NXPH1: variants seen among roughly 807,000 people sequenced by gnomAD.
NXPH1 encodes neurexophilin-1.
Under a neutral mutation model 23.7 loss-of-function variants are expected in NXPH1, and 5 were observed. The ratio of observed to expected loss-of-function variants is 0.21; its 90% CI spans 0.11 to 0.44. The LOEUF (loss-of-function observed/expected upper bound fraction) is 0.44. Among genes scored for constraint, NXPH1 ranks in the 20% least tolerant of loss-of-function variants. NXPH1 has a pLI of 0.99. For missense variants in NXPH1, 324 were observed against 321.6 expected, an observed-to-expected ratio of 1.01 and a Z score of -0.06; for synonymous variants, 144 against 122.2, an observed-to-expected ratio of 1.18 and a Z score of -1.18.
At chr7:8,558,658 A>G (rs1818397755) in intron 2 of NXPH1, among the ~76,000 whole-genome samples, 1 of 151,648 alleles carries the variant, frequency 6.6e-6, no homozygotes. Context: ...GTCACCTATG[A>G]GCCCAACCTT....
chr7:8,482,598 G>A (rs1817092952), intron 2 of NXPH1, among the ~76,000 whole-genome samples: 1 of 152,156 alleles, frequency 6.6e-6, no homozygotes, highest in Non-Finnish European at 1.5e-5. Flanking sequence ...TAAATCAGGG[G>A]TGGAGAAGAC....
At chr7:8,610,543 CA>C (rs1819595841) in intron 2 of NXPH1, among the ~76,000 whole-genome samples, 1 of 151,884 alleles carries the variant, frequency 6.6e-6, no homozygotes, top group Non-Finnish European at 1.5e-5. Flanking sequence ...ATAGGATACA[CA>C]AAAAGTACCA....
intron 2 of NXPH1, among the ~76,000 whole-genome samples, chr7:8,561,383 C>CACACACA (rs1554256950): frequency 5.2e-4 from 77 of 147,220 alleles, no homozygotes; most frequent in African/African-American, 1.4e-3. Context: ...CACACACACA[C>CACACACA]CTCTCTCTCT....
chr7:8,475,537 A>G (rs533789178), intron 2 of NXPH1, among the ~76,000 whole-genome samples: 163 of 152,262 alleles, frequency 1.1e-3, no homozygotes, highest in African/African-American at 3.8e-3. Context: ...CAGAAAAGTG[A>G]TCCTCTGTGA....
At chr7:8,688,428 C>T (rs926765418) in intron 2 of NXPH1, among the ~76,000 whole-genome samples, 1 of 151,986 alleles carries the variant, frequency 6.6e-6, no homozygotes, top group Non-Finnish European at 1.5e-5. Flanking sequence ...TTTTCTGTTA[C>T]TGTAATATAT....
chr7:8,732,297 G>A lies in NXPH1; in HGVS notation c.55-18711G>A, dbSNP rs937572041. On this transcript the variant is annotated intron_variant, in intron 2 of 2. Transcript: ENST00000405863. Reference sequence around the variant, plus strand: ...TCAGATGGAAATGCAGAAATCACCTGTCTTCTGTGTCGCTCACAGTGGGAG... The same window carrying A: ...TCAGATGGAAATGCAGAAATCACCTATCTTCTGTGTCGCTCACAGTGGGAG... Among the ~76,000 whole-genome samples the A allele has an allele frequency of 4.9e-4, 74 of 152,330 alleles. 1 individual carries two copies. The highest frequency in any genetic ancestry group is 3.4e-3 in the Middle Eastern group (1 of 294).
intron 2 of NXPH1, among the ~76,000 whole-genome samples, chr7:8,682,046 G>A (rs1821061620): frequency 6.6e-6 from 1 of 152,180 alleles, no homozygotes; most frequent in African/African-American, 2.4e-5. Flanking sequence ...GGGTGAGCAT[G>A]CCAGTGGAAG....
At chr7:8,447,991 C>G (rs2066916) in intron 2 of NXPH1, among the ~76,000 whole-genome samples, 73,629 of 152,028 alleles carry the variant, frequency 0.48, 18,212 homozygotes, top group East Asian at 0.75. Context: ...CTGGCCATAA[C>G]AGAGAGCAAA....
chr7:8,540,755 G>T (rs78083811), intron 2 of NXPH1, among the ~76,000 whole-genome samples: 2 of 151,802 alleles, frequency 1.3e-5, no homozygotes, highest in Non-Finnish European at 3.0e-5. Flanking sequence ...GGTAACAGTG[G>T]CTAACACTCA....
chr7:8,501,708 A>G (rs1289509345), intron 2 of NXPH1, among the ~76,000 whole-genome samples: 2 of 152,058 alleles, frequency 1.3e-5, no homozygotes, highest in East Asian at 1.9e-4. Flanking sequence ...AAGTACACCA[A>G]TTATCTGATA....
chr7:8,494,871 A>G (rs1410236736), intron 2 of NXPH1, among the ~76,000 whole-genome samples: 4 of 152,052 alleles, frequency 2.6e-5, no homozygotes, highest in Admixed American at 6.6e-5. Context: ...CATGATCCTA[A>G]GAGTCAGAGA....
chr7:8,446,505 T>C (rs941735480), intron 2 of NXPH1, among the ~76,000 whole-genome samples: 1 of 152,222 alleles, frequency 6.6e-6, no homozygotes, highest in Non-Finnish European at 1.5e-5. Context: ...TTGTTGATAT[T>C]CTGTATGCAT....
chr7:8,711,167 T>G (rs1779788561), intron 2 of NXPH1, among the ~76,000 whole-genome samples: 1 of 152,154 alleles, frequency 6.6e-6, no homozygotes, highest in Non-Finnish European at 1.5e-5. Context: ...ACGAGTGGCC[T>G]AGATTCTCAA....
intron 2 of NXPH1, among the ~76,000 whole-genome samples, chr7:8,465,791 T>C (rs1480024029): frequency 6.6e-6 from 1 of 152,246 alleles, no homozygotes; most frequent in Non-Finnish European, 1.5e-5. Context: ...GCTGGCTTCA[T>C]GTCACACAAC....
intron 2 of NXPH1, among the ~76,000 whole-genome samples, chr7:8,639,969 G>T (rs1820281394): frequency 1.3e-5 from 2 of 152,102 alleles, no homozygotes; most frequent in African/African-American, 4.8e-5. Flanking sequence ...AATAAACCTA[G>T]CTTCTGTTAA....
At chr7:8,524,339 T>G (rs772442374) in intron 2 of NXPH1, among the ~76,000 whole-genome samples, 1 of 151,694 alleles carries the variant, frequency 6.6e-6, no homozygotes, top group Non-Finnish European at 1.5e-5. Context: ...TCAATATATA[T>G]CCTCTTAAGG....
chr7:8,721,267 A>T (rs1779965872), intron 2 of NXPH1, among the ~76,000 whole-genome samples: 1 of 152,142 alleles, frequency 6.6e-6, no homozygotes, highest in African/African-American at 2.4e-5. Context: ...TAAATATGAG[A>T]GAGAGTAAGA....
Position 8,655,255 on chromosome 7 carries a change from T to C in NXPH1, c.55-95753T>C, listed in dbSNP as rs28522184. Among the ~76,000 whole-genome samples the C allele has an allele frequency of 2.9e-3, 441 of 152,132 alleles. 1 individual carries two copies. Among genetic ancestry groups the C allele is most frequent in the African/African-American group, 0.01 (421 of 41,520 alleles). The stretch of plus-strand genomic sequence containing the variant: ...CAAAAATTAGCTGGCCGTGGTGGCA[T>C]GTGTCCATAGTCTTAGCTACTTGGG... On this transcript the variant is annotated intron_variant, in intron 2 of 2. Transcript: ENST00000405863.
chr7:8,472,969 C>A (rs1358806298), intron 2 of NXPH1, among the ~76,000 whole-genome samples: 1 of 152,186 alleles, frequency 6.6e-6, no homozygotes. Context: ...TACCTTGTCA[C>A]TGAAACATCT....
Sources: allele counts gnomAD v4.1 joint callset (sites outside exome capture counted in the v4.1 genomes callset), GRCh38; gene constraint gnomAD v4.1.1; transcripts MANE v1.5; gene names NCBI Gene and HGNC (gene_info 2026-07-23, HGNC 2026-07-21).